Variants in NBAS observed in about 807,000 individuals in gnomAD.
The protein encoded by NBAS is NAG/BC035112 fusion.
NBAS carries 219 observed loss-of-function variants against 302.5 expected under a neutral mutation model. That is an observed-to-expected ratio of 0.72 (90% confidence interval 0.65 to 0.81). The LOEUF is 0.81. NBAS is among the 30% of genes least tolerant of loss of function. The pLI is 0.00. For synonymous variants in NBAS, 1,118 were observed against 1,021.6 expected, an observed-to-expected ratio of 1.09 and a Z score of -1.80; for missense variants, 2,932 against 2,841.6, an observed-to-expected ratio of 1.03 and a Z score of -0.72.
the NBAS span, among the ~76,000 whole-genome samples, chr2:15,002,455 G>A: frequency 7.3e-5 from 11 of 150,742 alleles, no homozygotes; most frequent in Admixed American, 3.3e-4. Flanking sequence ...CCAGACTCAG[G>A]AGCCCAGCTG....
the NBAS span, among the ~76,000 whole-genome samples, chr2:14,924,456 G>A: frequency 6.6e-6 from 1 of 152,210 alleles, no homozygotes; most frequent in Non-Finnish European, 1.5e-5. Context: ...CTGCTCTCCA[G>A]ATATATGCAA....
the NBAS span, among the ~76,000 whole-genome samples, chr2:14,826,921 G>A: frequency 9.1e-4 from 139 of 152,270 alleles, no homozygotes; most frequent in African/African-American, 3.3e-3. Context: ...TCTTTGTAAA[G>A]CTATGCTGGA....
chr2:15,524,028 ACTTC>A (rs1232291273), intron 9 of NBAS, among the ~76,000 whole-genome samples: 1 of 152,238 alleles, frequency 6.6e-6, no homozygotes, highest in Non-Finnish European at 1.5e-5. Flanking sequence ...ACACTAGTGT[ACTTC>A]TTTCAAATGA....
intron 6 of NBAS, among the ~76,000 whole-genome samples, chr2:15,544,793 C>T (rs929363310): frequency 1.3e-5 from 2 of 152,054 alleles, no homozygotes; most frequent in Non-Finnish European, 2.9e-5. Context: ...GGGTGGATAA[C>T]GAGGTCAGGA....
the NBAS span, among the ~76,000 whole-genome samples, chr2:15,119,640 G>C: frequency 6.6e-6 from 1 of 152,186 alleles, no homozygotes; most frequent in East Asian, 1.9e-4. Flanking sequence ...TGCCTAGCCA[G>C]GAATCCATTT....
At chr2:15,106,420 G>T in the NBAS span, among the ~76,000 whole-genome samples, 3 of 145,088 alleles carry the variant, frequency 2.1e-5, no homozygotes, top group South Asian at 6.6e-4. Flanking sequence ...TGAAGTCTTG[G>T]GTGTCTCTCT....
rs1211975816 is a variant in NBAS, at chr2:15,473,399, G to A, written c.1600-52C>T. 2.5e-6 allele frequency: 4 copies of A among 1,601,398 alleles called. No individual in the cohort carries two copies. In the Middle Eastern group the frequency reaches 5.0e-4, roughly 200 times the overall value. On this transcript the variant is annotated intron_variant, in intron 15 of 51. Transcript: ENST00000281513. ...ATGTTACATGACTGAATTATCCACA[G>A]GGTCCTGATGATGATACAATGAATG...
At chr2:15,309,608 G>A (rs1165341951) in intron 38 of NBAS, among the ~76,000 whole-genome samples, 3 of 152,130 alleles carry the variant, frequency 2.0e-5, no homozygotes, top group Non-Finnish European at 4.4e-5. Context: ...AATATGGAGG[G>A]TGATAATATG....
At chr2:15,550,505 G>A (rs1244215629) in intron 6 of NBAS, among the ~76,000 whole-genome samples, 1 of 151,906 alleles carries the variant, frequency 6.6e-6, no homozygotes, top group African/African-American at 2.4e-5. Context: ...GGAACTGTAG[G>A]TCCTGTAAAT....
At chr2:15,239,390 T>G (rs546649568) in intron 44 of NBAS, among the ~76,000 whole-genome samples, 8 of 67,634 alleles carry the variant, frequency 1.2e-4, no homozygotes, top group African/African-American at 3.4e-4. Flanking sequence ...TATGTGTGCG[T>G]GTGTGTGTGT....
chr2:15,374,758 A>G, intron 30 of NBAS, 38 bp from the exon 31 acceptor site: 1 of 1,523,574 alleles, frequency 6.6e-7, no homozygotes, highest in African/African-American at 1.4e-5. Context: ...AAGAAGCAAC[A>G]TATGTTCACC....
At chr2:15,155,774 T>A in the NBAS span, among the ~76,000 whole-genome samples, 1 of 152,178 alleles carries the variant, frequency 6.6e-6, no homozygotes, top group Non-Finnish European at 1.5e-5. Context: ...CATACACACA[T>A]AAAACTGACT....
At chr2:15,211,831 T>C (rs1666424905) in intron 48 of NBAS, among the ~76,000 whole-genome samples, 1 of 152,150 alleles carries the variant, frequency 6.6e-6, no homozygotes, top group Non-Finnish European at 1.5e-5. Context: ...AAGTGGTCAC[T>C]GTTAACTAGG....
chr2:14,975,572 C>T, the NBAS span, among the ~76,000 whole-genome samples: 1 of 152,208 alleles, frequency 6.6e-6, no homozygotes, highest in Non-Finnish European at 1.5e-5. Context: ...TGTTCACCAA[C>T]ATATGAGCAT....
intron 48 of NBAS, among the ~76,000 whole-genome samples, chr2:15,203,790 G>GA (rs1213297419): frequency 6.6e-6 from 1 of 151,264 alleles, no homozygotes; most frequent in African/African-American, 2.4e-5. Flanking sequence ...CATATAAAAA[G>GA]AAAAAAATGA....
chr2:15,304,229 T>G (rs1400982942), intron 40 of NBAS, among the ~76,000 whole-genome samples: 1 of 152,176 alleles, frequency 6.6e-6, no homozygotes, highest in Non-Finnish European at 1.5e-5. Context: ...CAACATCTGA[T>G]AGTTTTATAA....
At chr2:15,468,873 A>G (rs974612934) in intron 16 of NBAS, among the ~76,000 whole-genome samples, 2 of 152,250 alleles carry the variant, frequency 1.3e-5, no homozygotes, top group African/African-American at 4.8e-5. Context: ...AGAGCAGACA[A>G]TAAGGCAGAA....
the NBAS span, among the ~76,000 whole-genome samples, chr2:14,985,087 G>A: frequency 6.6e-5 from 10 of 152,192 alleles, no homozygotes; most frequent in Non-Finnish European, 8.8e-5. Context: ...GAATACTATT[G>A]TTCAAAGGGC....
chr2:14,933,181 G>A, the NBAS span, among the ~76,000 whole-genome samples: 1 of 152,300 alleles, frequency 6.6e-6, no homozygotes, highest in African/African-American at 2.4e-5. Context: ...AGTCAGAACT[G>A]AATCCATGCC....
Sources: gnomAD v4.1 joint callset for allele counts (sites outside exome capture counted in the v4.1 genomes callset) on GRCh38, gnomAD v4.1.1 for gene constraint, MANE v1.5 for transcripts, NCBI Gene and HGNC (gene_info 2026-07-23, HGNC 2026-07-21) for gene names.